Variants in MALRD1 observed in about 807,000 individuals in gnomAD.
MALRD1 encodes MAM and LDL-receptor class A domain-containing protein 1.
MALRD1 carries 247 observed loss-of-function variants against 242.1 expected under a neutral mutation model. The observed-to-expected ratio is 1.02, with a 90% CI of 0.92 to 1.13. MALRD1 has a LOEUF of 1.13. MALRD1 is among the 50% of genes most tolerant of loss of function. MALRD1 has a pLI of 0.00. For synonymous variants in MALRD1, 995 were observed against 866.6 expected (o/e 1.15, Z -2.60); for missense variants, 2,989 against 2,533.1 (o/e 1.18, Z -3.86).
At chr10:19,461,432 T>C (rs1835937308) in intron 29 of MALRD1, among the ~76,000 whole-genome samples, 1 of 152,212 alleles carries the variant, frequency 6.6e-6, no homozygotes, top group Non-Finnish European at 1.5e-5. Flanking sequence ...ATCTCTATGT[T>C]AACTAGATTT....
At chr10:19,437,216 C>T (rs1395739924) in intron 28 of MALRD1, among the ~76,000 whole-genome samples, 1 of 152,000 alleles carries the variant, frequency 6.6e-6, no homozygotes, top group Non-Finnish European at 1.5e-5. Context: ...GGGTATTGGT[C>T]CTAAGATCAC....
At chr10:19,391,586 A>C (rs946639696) in intron 28 of MALRD1, among the ~76,000 whole-genome samples, 13 of 152,046 alleles carry the variant, frequency 8.6e-5, no homozygotes, top group Admixed American at 2.0e-4. Context: ...CTCCCTGTCT[A>C]TTCTTAGTTA....
intron 4 of MALRD1, among the ~76,000 whole-genome samples, chr10:19,103,745 A>G (rs1836363922): frequency 6.6e-6 from 1 of 152,072 alleles, no homozygotes; most frequent in African/African-American, 2.4e-5. Flanking sequence ...GCTGCATTTC[A>G]CTATCATGTT....
chr10:19,599,232 T>C (rs149378626), intron 34 of MALRD1, among the ~76,000 whole-genome samples: 39 of 152,184 alleles, frequency 2.6e-4, no homozygotes, highest in African/African-American at 8.9e-4. Context: ...ACGTTTACAA[T>C]TTTAGACAGG....
chr10:19,315,888 A>T (rs1261285014), intron 21 of MALRD1, among the ~76,000 whole-genome samples: 1 of 148,394 alleles, frequency 6.7e-6, no homozygotes, highest in East Asian at 2.0e-4. Context: ...ATATTATTTT[A>T]CTAAAATGGT....
At position 19,313,999 on chromosome 10, in the gene MALRD1, T is replaced by C. The variant is rs115177632; in HGVS notation, c.3420-9950T>C. Reference sequence around the variant, plus strand: ...GCACTCTGATAAAATTGTAAGTGTATTTTCAAAATCAAGATGCCTTACTTC... The same window carrying C: ...GCACTCTGATAAAATTGTAAGTGTACTTTCAAAATCAAGATGCCTTACTTC... On this transcript the variant is annotated intron_variant, in intron 21 of 39. Coordinates refer to ENST00000454679, the MANE Select transcript of MALRD1 (RefSeq NM_001142308.3). Among the ~76,000 whole-genome samples the C allele has an allele frequency of 4.0e-3, 612 of 151,696 alleles. 4 individuals are homozygous for C. The highest frequency in any genetic ancestry group is 0.014 in the African/African-American group (594 of 41,472).
chr10:19,429,823 C>T (rs1005279495), intron 28 of MALRD1, among the ~76,000 whole-genome samples: 5 of 152,006 alleles, frequency 3.3e-5, no homozygotes, highest in South Asian at 2.1e-4. Flanking sequence ...TCAATTCTCC[C>T]GCTTATTCCA....
At chr10:19,648,133 A>C (rs1380113922) in intron 36 of MALRD1, among the ~76,000 whole-genome samples, 1 of 152,194 alleles carries the variant, frequency 6.6e-6, no homozygotes, top group Non-Finnish European at 1.5e-5. Flanking sequence ...AAAACTCCTC[A>C]AGGGTTACCA....
intron 12 of MALRD1, among the ~76,000 whole-genome samples, chr10:19,160,785 A>G (rs1834360350): frequency 9.7e-6 from 1 of 103,456 alleles, no homozygotes; most frequent in Non-Finnish European, 2.0e-5. Flanking sequence ...GGTAGTTTGT[A>G]TTTCTGTGGG....
Position 19,615,911 on chromosome 10 carries a change from G to A in MALRD1, c.6125G>A (p.Gly2042Asp). 1 of 1,529,992 alleles carries A rather than the reference G, an allele frequency of 6.5e-7. No homozygotes were observed. Among genetic ancestry groups the A allele is most frequent in the South Asian group, 1.2e-5 (1 of 83,196 alleles). 94.8% of individuals were successfully genotyped at this position (1,529,992 alleles called of 1,614,324 possible). A position where few individuals can be genotyped will look rare whatever the true frequency, so the allele number is the denominator to read the frequency against. The change falls in exon 36 of 40, where the codon GGT becomes GAT. Residue 2042 changes from glycine to aspartate, a missense_variant. Physicochemically the swap from Gly to Asp is moderately conservative, Grantham distance 94 (BLOSUM62 -1). Coordinates refer to ENST00000454679, the MANE Select transcript of MALRD1 (RefSeq NM_001142308.3). The part of the protein sequence containing the change: ...NGGTCVVEKN[G>D]PMCRCRQGWK... The stretch of plus-strand genomic sequence containing the variant: ...GGGACTTGTGTAGTGGAGAAAAATG[G>A]TCCTATGTGTCGGTAAGAAGCATTG...
chr10:19,392,170 T>G (rs942620426), intron 28 of MALRD1, among the ~76,000 whole-genome samples: 5 of 152,208 alleles, frequency 3.3e-5, no homozygotes, highest in African/African-American at 7.2e-5. Flanking sequence ...TCACTTATAT[T>G]ATTTCATGGA....
At chr10:19,255,827 G>C (rs956770967) in intron 18 of MALRD1, among the ~76,000 whole-genome samples, 17 of 152,000 alleles carry the variant, frequency 1.1e-4, no homozygotes, top group African/African-American at 4.1e-4. Context: ...CATGCAACAT[G>C]AAGGAAACTC....
At chr10:19,446,840 G>A (rs1168346147) in intron 28 of MALRD1, among the ~76,000 whole-genome samples, 3 of 152,018 alleles carry the variant, frequency 2.0e-5, no homozygotes, top group African/African-American at 7.2e-5. Context: ...TGGGTATTGA[G>A]ATTAAAATCT....
chr10:19,292,030 C>T (rs1588863680), intron 21 of MALRD1, among the ~76,000 whole-genome samples: 1 of 143,490 alleles, frequency 7.0e-6, no homozygotes, highest in Non-Finnish European at 1.5e-5. Context: ...TTGCAGTAAG[C>T]CGAGATGGTG....
chr10:19,594,307 G>C (rs1337454514), intron 33 of MALRD1, among the ~76,000 whole-genome samples: 1 of 152,122 alleles, frequency 6.6e-6, no homozygotes, highest in Non-Finnish European at 1.5e-5. Flanking sequence ...GTACTGATAA[G>C]AATGGCCATA....
chr10:19,620,375 A>G (rs1839347163), intron 36 of MALRD1, among the ~76,000 whole-genome samples: 3 of 152,018 alleles, frequency 2.0e-5, no homozygotes. Context: ...GTGTCCAAGT[A>G]TATTTGATGT....
At chr10:19,131,985 T>C (rs538339694) in intron 8 of MALRD1, among the ~76,000 whole-genome samples, 1 of 152,126 alleles carries the variant, frequency 6.6e-6, no homozygotes, top group African/African-American at 2.4e-5. Flanking sequence ...TTACAAAACA[T>C]TGCTAGTGCC....
chr10:19,389,065 G>C, intron 27 of MALRD1: 1 of 350,268 alleles, frequency 2.9e-6, no homozygotes, highest in South Asian at 2.2e-5. Flanking sequence ...ACACTCAAGA[G>C]ATGACTAAAT....
At chr10:19,270,838 A>ACACACACACACACG (rs1260066166) in intron 19 of MALRD1, among the ~76,000 whole-genome samples, 2 of 151,620 alleles carry the variant, frequency 1.3e-5, no homozygotes, top group African/African-American at 4.8e-5. Context: ...ACACACACAC[A>ACACACACACACACG]CACACGCACA....
Sources: gnomAD v4.1 joint callset for allele counts (sites outside exome capture counted in the v4.1 genomes callset) on GRCh38, gnomAD v4.1.1 for gene constraint, MANE v1.5 for transcripts, NCBI Gene and HGNC (gene_info 2026-07-23, HGNC 2026-07-21) for gene names.